Variants in RBMS1 observed in about 807,000 individuals in gnomAD.
RBMS1 encodes the protein RNA binding motif single stranded interacting protein 1.
In RBMS1, 17 loss-of-function variants were observed where a neutral mutation model predicts 62.3. The observed-to-expected ratio is 0.27, with a 90% CI of 0.19 to 0.41. The LOEUF (loss-of-function observed/expected upper bound fraction) is 0.41. Ranked by LOEUF, RBMS1 falls within the 10% of genes least tolerant of loss-of-function variation. The pLI is 1.00. For synonymous variants in RBMS1, 172 were observed against 170.0 expected, an observed-to-expected ratio of 1.01 and a Z score of -0.09; for missense variants, 334 against 504.5, an observed-to-expected ratio of 0.66 and a Z score of 3.24.
intron 1 of RBMS1, among the ~76,000 whole-genome samples, chr2:160,394,453 A>G (rs1695030792): frequency 6.6e-6 from 1 of 152,252 alleles, no homozygotes; most frequent in Admixed American, 6.5e-5. Flanking sequence ...TTTAGAGGAC[A>G]AAAGAATATT....
At position 160,481,229 on chromosome 2, in the gene RBMS1, G is replaced by A. The variant is rs1012176702; in HGVS notation, c.75+12060C>T. Among the ~76,000 whole-genome samples, 9 of 151,956 alleles carry A rather than the reference G, an allele frequency of 5.9e-5. No individual in the cohort carries two copies. In the South Asian group the frequency reaches 8.3e-4, roughly 14 times the overall value. ...TCATTAACAGCCATACTGGGGCACC[G>A]GGGGTGGGCGAGGTGGAACAAACAA... On this transcript the variant is annotated intron_variant, in intron 1 of 13. Coordinates refer to ENST00000348849, the MANE Select transcript of RBMS1 (RefSeq NM_016836.4).
intron 1 of RBMS1, among the ~76,000 whole-genome samples, chr2:160,398,568 A>C (rs535305826): frequency 6.6e-6 from 1 of 152,320 alleles, no homozygotes; most frequent in East Asian, 1.9e-4. Context: ...CTTCCTTATG[A>C]GAAACTGAGC....
At chr2:160,460,480 G>T (rs1444563609) in intron 1 of RBMS1, among the ~76,000 whole-genome samples, 2 of 152,220 alleles carry the variant, frequency 1.3e-5, no homozygotes, top group Non-Finnish European at 2.9e-5. Context: ...CTCACGTAAG[G>T]TCACGCAGGA....
rs565558413 is a variant in RBMS1, at chr2:160,323,692, GC to G, written c.252-5466del. Among the ~76,000 whole-genome samples the G allele has an allele frequency of 7.3e-5, 11 of 150,470 alleles. No individual in the cohort carries two copies. The South Asian group carries it at 2.3e-3, about 32-fold the overall frequency. On this transcript the variant is annotated intron_variant, in intron 2 of 13. Transcript: ENST00000348849. ...TTCAAAGTAACTGGGTTAGACCACA[GC>G]CCCAGCTACCCAGATTATAATATTC...
chr2:160,322,309 A>G (rs1270065027), intron 2 of RBMS1, among the ~76,000 whole-genome samples: 1 of 152,220 alleles, frequency 6.6e-6, no homozygotes, highest in East Asian at 1.9e-4. Context: ...ATGCCCTCTG[A>G]GTATGGAAGA....
intron 1 of RBMS1, among the ~76,000 whole-genome samples, chr2:160,431,987 C>T (rs563337644): frequency 2.6e-5 from 4 of 152,184 alleles, no homozygotes; most frequent in Admixed American, 1.3e-4. Context: ...CTTTGAGAAA[C>T]GGGGTTGTGC....
At chr2:160,364,680 T>G (rs1243531426) in intron 2 of RBMS1, among the ~76,000 whole-genome samples, 2 of 152,210 alleles carry the variant, frequency 1.3e-5, no homozygotes, top group Non-Finnish European at 2.9e-5. Flanking sequence ...TAAAAAATAT[T>G]TTTTGTTTTC....
At chr2:160,340,871 T>C (rs1040995020) in intron 2 of RBMS1, among the ~76,000 whole-genome samples, 6 of 152,190 alleles carry the variant, frequency 3.9e-5, no homozygotes, top group African/African-American at 1.4e-4. Context: ...AGAGGCATGA[T>C]CAATACCTTT....
intron 2 of RBMS1, among the ~76,000 whole-genome samples, chr2:160,333,682 A>T (rs1691406166): frequency 6.6e-6 from 1 of 152,206 alleles, no homozygotes; most frequent in Admixed American, 6.5e-5. Context: ...GGAGCCAATA[A>T]GACAGGAACG....
chr2:160,351,752 A>G (rs1028507949), intron 2 of RBMS1, among the ~76,000 whole-genome samples: 6 of 152,124 alleles, frequency 3.9e-5, no homozygotes, highest in African/African-American at 1.4e-4. Context: ...GAAATGCATT[A>G]GATATCCAAA....
At chr2:160,324,907 T>TATACAC (rs1321182985) in intron 2 of RBMS1, among the ~76,000 whole-genome samples, 34 of 106,806 alleles carry the variant, frequency 3.2e-4, no homozygotes, top group Middle Eastern at 4.7e-3. Flanking sequence ...TATATATATA[T>TATACAC]ACACACACAC....
At chr2:160,425,147 G>A (rs1300514924) in intron 1 of RBMS1, among the ~76,000 whole-genome samples, 2 of 152,184 alleles carry the variant, frequency 1.3e-5, no homozygotes, top group Non-Finnish European at 2.9e-5. Context: ...AGTGTGAAGT[G>A]AGAGCATTTA....
chr2:160,390,143 T>C (rs902844636), intron 1 of RBMS1, among the ~76,000 whole-genome samples: 7 of 152,188 alleles, frequency 4.6e-5, no homozygotes, highest in African/African-American at 1.7e-4. Flanking sequence ...CAGGCATTAT[T>C]GCTTTTCCAC....
chr2:160,310,951 T>C (rs1318774555), intron 4 of RBMS1, among the ~76,000 whole-genome samples: 1 of 152,078 alleles, frequency 6.6e-6, no homozygotes, highest in Admixed American at 6.5e-5. Flanking sequence ...CCCAGCACTT[T>C]GAGAGGCTGA....
At chr2:160,327,729 T>A (rs982872212) in intron 2 of RBMS1, among the ~76,000 whole-genome samples, 8 of 152,164 alleles carry the variant, frequency 5.3e-5, no homozygotes, top group Non-Finnish European at 1.2e-4. Flanking sequence ...AGTACTAACA[T>A]GTCAGAGGAA....
intron 1 of RBMS1, among the ~76,000 whole-genome samples, chr2:160,439,174 C>T (rs1240956887): frequency 7.3e-5 from 11 of 150,036 alleles, no homozygotes; most frequent in Admixed American, 3.3e-4. Flanking sequence ...CCGGACGGGG[C>T]GGCTGGCCGG....
In RBMS1 at chr2:160,285,022, T is replaced by A; in HGVS notation, c.779A>T (p.Asp260Val). The change falls in exon 8 of 14, where the codon GAC (aspartate) becomes GTC (valine). Residue 260 changes from aspartate (D) to valine (V), a missense_variant. Physicochemically the swap from Asp to Val is radical, Grantham distance 152. Transcript: ENST00000348849. ...GTTCTGTATAGCAGCTGTAGTTGGGTCGTAAGTAAGTGTCATTCCAGCCTA... is the reference window on the plus strand; with the variant it reads ...GTTCTGTATAGCAGCTGTAGTTGGGACGTAAGTAAGTGTCATTCCAGCCTA... Reference protein sequence around the residue: ...VRLAGMTLTYDPTTAAIQNGF... With the variant: ...VRLAGMTLTYVPTTAAIQNGF... 1.2e-6 allele frequency: 2 copies of A among 1,613,298 alleles called. No homozygotes were observed. Among genetic ancestry groups the A allele is most frequent in the Non-Finnish European group, 1.7e-6 (2 of 1,179,222 alleles).
intron 2 of RBMS1, among the ~76,000 whole-genome samples, chr2:160,329,874 A>G (rs1396161867): frequency 6.6e-6 from 1 of 152,016 alleles, no homozygotes; most frequent in African/African-American, 2.4e-5. Context: ...GCAAAATGCT[A>G]TTCAGATTCC....
Position 160,465,865 on chromosome 2 carries a change from T to TACACAC in RBMS1, c.75+27418_75+27423dup, listed in dbSNP as rs72005445. ...CACACCACACACACACACACACACA[T>TACACAC]ACACACACACACACACACACACACT... On this transcript the variant is annotated intron_variant, in intron 1 of 13. Transcript: ENST00000348849. Among the ~76,000 whole-genome samples the TACACAC allele has an allele frequency of 7.6e-4, 111 of 146,734 alleles. 1 individual carries two copies. The highest frequency in any genetic ancestry group is 4.0e-3 in the East Asian group (20 of 5,012).
Sources: gnomAD v4.1 joint callset for allele counts (sites outside exome capture counted in the v4.1 genomes callset) on GRCh38, gnomAD v4.1.1 for gene constraint, MANE v1.5 for transcripts, NCBI Gene and HGNC (gene_info 2026-07-23, HGNC 2026-07-21) for gene names.